The following IL6ST variants were observed in gnomAD, a reference collection of about 807,000 sequenced individuals.
IL6ST encodes interleukin-6 receptor subunit beta.
IL6ST carries 24 observed loss-of-function variants against 91.3 expected under a neutral mutation model. The observed-to-expected ratio is 0.26, with a 90% CI of 0.19 to 0.37. The LOEUF is 0.37. Ranked by LOEUF, IL6ST falls within the 10% of genes least tolerant of loss-of-function variation. The pLI is 1.00. For synonymous variants in IL6ST, 351 were observed against 373.6 expected, an observed-to-expected ratio of 0.94 and a Z score of 0.70; for missense variants, 914 against 1,078.5, an observed-to-expected ratio of 0.85 and a Z score of 2.14.
chr5:55,944,235 AT>A (rs1751101578), intron 15 of IL6ST, among the ~76,000 whole-genome samples: 1 of 152,226 alleles, frequency 6.6e-6, no homozygotes, highest in Non-Finnish European at 1.5e-5. Flanking sequence ...TAGCCAGTGC[AT>A]TAAGACAATA....
intron 3 of IL6ST, among the ~76,000 whole-genome samples, chr5:55,972,425 T>C (rs959750571): frequency 3.3e-5 from 5 of 152,004 alleles, no homozygotes; most frequent in Admixed American, 2.6e-4. Flanking sequence ...GGCAGGAGAA[T>C]GGTGTGAACC....
rs1198696268 is a variant in IL6ST, at chr5:55,994,931, T to A, written c.-251A>T. The stretch of plus-strand genomic sequence containing the variant: ...AGCGCGACTCCGCGGGCCTTTTGGC[T>A]GCTCGCCCCGGCTCCGGAACACTGT... On this transcript the variant is annotated 5_prime_UTR_variant, in exon 1 of 17. Coordinates refer to ENST00000381298, the MANE Select transcript of IL6ST (RefSeq NM_002184.4). 1.3e-5 allele frequency: 2 copies of A among 152,192 alleles called. No individual in the cohort carries two copies. Among genetic ancestry groups the A allele is most frequent in the East Asian group, 1.9e-4 (1 of 5,170 alleles). 9.4% of individuals were successfully genotyped at this position (152,192 alleles called of 1,614,324 possible).
chr5:55,974,936 TAC>T (rs376327228), intron 3 of IL6ST, among the ~76,000 whole-genome samples: 24 of 147,184 alleles, frequency 1.6e-4, no homozygotes, highest in South Asian at 4.3e-4. Context: ...GTATTATTCA[TAC>T]ACACACACAC....
intron 1 of IL6ST, among the ~76,000 whole-genome samples, chr5:55,992,284 C>T (rs1037138255): frequency 1.3e-5 from 2 of 152,146 alleles, no homozygotes; most frequent in Non-Finnish European, 2.9e-5. Context: ...TATAGACTTT[C>T]TGGTATGATC....
In IL6ST at chr5:55,987,428, T is replaced by C. The variant is rs541056899; in HGVS notation, c.-103-4617A>G. 4.6e-5 allele frequency among the ~76,000 whole-genome samples: 7 copies of C among 152,322 alleles called. No individual in the cohort carries two copies. In the South Asian group the frequency reaches 1.5e-3, roughly 32 times the overall value. ...AGACCAAAGGAAAATGACAGGGTCATTCCAACAGATGTTTGAAAAGCATCT... is the reference window on the plus strand; with the variant it reads ...AGACCAAAGGAAAATGACAGGGTCACTCCAACAGATGTTTGAAAAGCATCT... On this transcript the variant is annotated intron_variant, in intron 1 of 16. Transcript: ENST00000381298.
intron 8 of IL6ST, chr5:55,959,755 T>C: frequency 1.8e-6 from 1 of 548,828 alleles, no homozygotes; most frequent in Non-Finnish European, 3.0e-6. Context: ...CTAGACAGTG[T>C]GGTTTTAATG....
intron 1 of IL6ST, among the ~76,000 whole-genome samples, chr5:55,993,901 TA>T (rs1422393661): frequency 1.5e-4 from 23 of 152,302 alleles, no homozygotes; most frequent in African/African-American, 5.3e-4. Flanking sequence ...ATACACAGTT[TA>T]AAGGGTTTGT....
intron 8 of IL6ST, chr5:55,959,793 G>A: frequency 7.9e-6 from 3 of 379,318 alleles, no homozygotes; most frequent in South Asian, 2.3e-5. Flanking sequence ...CTAGTTAGGA[G>A]TATCTCTGGA....
In IL6ST at chr5:55,965,337, A is replaced by G. The variant is rs944815354; in HGVS notation, c.492-1025T>C. Among the ~76,000 whole-genome samples the G allele has an allele frequency of 1.6e-4, 24 of 152,218 alleles. 1 individual carries two copies. Among genetic ancestry groups the G allele is most frequent in the Admixed American group, 1.6e-3 (24 of 15,276 alleles). On this transcript the variant is annotated intron_variant, in intron 5 of 16. Coordinates refer to ENST00000381298, the MANE Select transcript of IL6ST (RefSeq NM_002184.4). ...TGTTGTCAACTATGTTTTTCAGTTC[A>G]TAAGAAAGAAGATGTAGACGTCAGG... is the stretch of plus-strand genomic sequence containing the variant.
intron 2 of IL6ST, among the ~76,000 whole-genome samples, chr5:55,977,255 A>G (rs1753355251): frequency 6.6e-6 from 1 of 150,510 alleles, no homozygotes; most frequent in African/African-American, 2.5e-5. Flanking sequence ...CTCTATTTAC[A>G]GGAAATTCTT....
At position 55,939,851 on chromosome 5, in the gene IL6ST, A is replaced by T. The variant is rs1037874580; in HGVS notation, c.*1231T>A. ...GTTCCACCCTACCTCAGAACTGCAG[A>T]CATTAAAATACCATCTCTTTATTAA... On this transcript the variant is annotated 3_prime_UTR_variant, in exon 17 of 17. Coordinates refer to ENST00000381298, the MANE Select transcript of IL6ST (RefSeq NM_002184.4). The T allele has an allele frequency of 4.9e-6, 1 of 202,980 alleles. No individual in the cohort carries two copies. The highest frequency in any genetic ancestry group is 1.0e-5 in the Non-Finnish European group (1 of 98,644). The allele number at this position is 202,980 out of a possible 1,614,324, so 12.6% of individuals were successfully genotyped here.
At chr5:55,948,420 A>G (rs1020270293) in intron 14 of IL6ST, among the ~76,000 whole-genome samples, 1 of 152,152 alleles carries the variant, frequency 6.6e-6, no homozygotes, top group African/African-American at 2.4e-5. Flanking sequence ...CTTCCACCAC[A>G]CATATCCCTT....
At chr5:55,991,093 T>C (rs1013565995) in intron 1 of IL6ST, among the ~76,000 whole-genome samples, 7 of 152,242 alleles carry the variant, frequency 4.6e-5, no homozygotes, top group Non-Finnish European at 1.0e-4. Flanking sequence ...GGCTGCATAG[T>C]ATTCCATGGT....
intron 1 of IL6ST, among the ~76,000 whole-genome samples, chr5:55,984,974 ATCT>A (rs975445907): frequency 5.9e-5 from 9 of 152,188 alleles, no homozygotes; most frequent in African/African-American, 2.2e-4. Flanking sequence ...GCTTGGCTAT[ATCT>A]TCTTTGATGA....
chr5:55,969,862 A>C lies in IL6ST; in HGVS notation c.65-7T>G, dbSNP rs1752862360. On this transcript the variant is annotated splice_polypyrimidine_tract_variant and splice_region_variant and intron_variant, in intron 3 of 16. Coordinates refer to ENST00000381298, the MANE Select transcript of IL6ST (RefSeq NM_002184.4). ...CATGGATCTAGAAGTTCACCTAAAA[A>C]GGAACAATAGAAAATATATAAATGG... 1 of 1,560,208 alleles carries C rather than the reference A, an allele frequency of 6.4e-7. No individual in the cohort carries two copies. The highest frequency in any genetic ancestry group is 1.4e-5 in the African/African-American group (1 of 73,354).
intron 10 of IL6ST, among the ~76,000 whole-genome samples, chr5:55,955,285 C>T (rs1442030831): frequency 6.6e-6 from 1 of 152,108 alleles, no homozygotes; most frequent in Non-Finnish European, 1.5e-5. Context: ...CGGTGAAACC[C>T]CGTCTCTACT....
intron 5 of IL6ST, among the ~76,000 whole-genome samples, chr5:55,965,674 C>T (rs1752587417): frequency 6.6e-6 from 1 of 151,700 alleles, no homozygotes; most frequent in Non-Finnish European, 1.5e-5. Flanking sequence ...AGAGAGCTAT[C>T]AAAGGCTAAG....
intron 1 of IL6ST, among the ~76,000 whole-genome samples, chr5:55,993,033 T>G (rs530297306): frequency 6.2e-4 from 95 of 152,348 alleles, no homozygotes; most frequent in African/African-American, 2.3e-3. Flanking sequence ...GAACCTCAAC[T>G]CTGATCATTC....
intron 2 of IL6ST, among the ~76,000 whole-genome samples, chr5:55,977,750 C>T (rs1580852369): frequency 6.6e-6 from 1 of 152,022 alleles, no homozygotes; most frequent in South Asian, 2.1e-4. Flanking sequence ...TGTTTGAACC[C>T]GTGAAACAGA....
Sources: allele counts gnomAD v4.1 joint callset (sites outside exome capture counted in the v4.1 genomes callset), GRCh38; gene constraint gnomAD v4.1.1; transcripts MANE v1.5; gene names NCBI Gene and HGNC (gene_info 2026-07-23, HGNC 2026-07-21).